Variants in ZNF804A observed in about 807,000 individuals in gnomAD.
The protein encoded by ZNF804A is zinc finger protein 804A.
Under a neutral mutation model 16.5 loss-of-function variants are expected in ZNF804A, and 2 were observed. The observed-to-expected ratio is 0.12, with a 90% CI of 0.05 to 0.38. The LOEUF (loss-of-function observed/expected upper bound fraction) is 0.38, where lower values mean the gene tolerates loss of function less well. ZNF804A is among the 10% of genes least tolerant of loss of function. The probability of loss-of-function intolerance (pLI) is 0.99; values close to 1 mark genes in which losing one functional copy is unlikely to be tolerated. For synonymous variants in ZNF804A, 534 were observed against 489.6 expected (o/e 1.09, Z -1.20); for missense variants, 1,473 against 1,390.7 (o/e 1.06, Z -0.94).
intron 2 of ZNF804A, among the ~76,000 whole-genome samples, chr2:184,877,538 G>A (rs1684728393): frequency 6.6e-6 from 1 of 151,504 alleles, no homozygotes; most frequent in African/African-American, 2.4e-5. Flanking sequence ...AATTCTCCTG[G>A]CACCTATAGA....
intron 1 of ZNF804A, among the ~76,000 whole-genome samples, chr2:184,752,482 G>A (rs1693891157): frequency 1.3e-5 from 2 of 151,614 alleles, no homozygotes; most frequent in South Asian, 4.2e-4. Context: ...TCCAAAATGT[G>A]GGGGATAGGA....
At chr2:184,756,734 G>T (rs1302322430) in intron 1 of ZNF804A, among the ~76,000 whole-genome samples, 2 of 151,998 alleles carry the variant, frequency 1.3e-5, no homozygotes, top group African/African-American at 2.4e-5. Context: ...ATACATGTGT[G>T]TATAGGTGTA....
intron 1 of ZNF804A, among the ~76,000 whole-genome samples, chr2:184,841,483 T>G (rs1338102249): frequency 6.6e-6 from 1 of 152,178 alleles, no homozygotes; most frequent in Non-Finnish European, 1.5e-5. Flanking sequence ...ACACATTATA[T>G]TCATGAATGG....
rs536081648 is a variant in ZNF804A at position 184,771,204 on chromosome 2, T to G, written c.112-95165T>G. Among the ~76,000 whole-genome samples the G allele has an allele frequency of 2.0e-5, 3 of 152,178 alleles. No homozygotes were observed. The South Asian group carries it at 6.2e-4, about 32-fold the overall frequency. On this transcript the variant is annotated intron_variant, in intron 1 of 3. Transcript: ENST00000302277. ...AACTATGTGCTTTTAAAATAGTCAA[T>G]ACTATTTCAACATTTTTGAAATTAA... is the stretch of plus-strand genomic sequence containing the variant.
chr2:184,770,917 ATG>A lies in ZNF804A; in HGVS notation c.112-95444_112-95443del, dbSNP rs1694202183. ...GTCTATAGGTATATTCAATTGAAAT[ATG>A]TGTGTGTTTGTGTATATTTCACCCA... is the stretch of plus-strand genomic sequence containing the variant. On this transcript the variant is annotated intron_variant, in intron 1 of 3. Coordinates refer to ENST00000302277, the MANE Select transcript of ZNF804A (RefSeq NM_194250.2). Among the ~76,000 whole-genome samples the A allele has an allele frequency of 2.0e-5, 3 of 152,076 alleles. No individual in the cohort carries two copies. The South Asian group carries it at 6.2e-4, about 31-fold the overall frequency.
At chr2:184,772,237 T>G (rs1694226441) in intron 1 of ZNF804A, among the ~76,000 whole-genome samples, 1 of 151,316 alleles carries the variant, frequency 6.6e-6, no homozygotes, top group Admixed American at 6.6e-5. Flanking sequence ...CATTGCAATT[T>G]TAGAATATTT....
intron 2 of ZNF804A, among the ~76,000 whole-genome samples, chr2:184,867,327 C>T (rs768933412): frequency 2.0e-5 from 3 of 151,972 alleles, no homozygotes; most frequent in African/African-American, 4.8e-5. Context: ...AATACCATGC[C>T]GAGTACTCAT....
intron 1 of ZNF804A, among the ~76,000 whole-genome samples, chr2:184,671,931 G>A (rs1692344502): frequency 6.6e-6 from 1 of 152,146 alleles, no homozygotes; most frequent in African/African-American, 2.4e-5. Flanking sequence ...CTTTGAGCAG[G>A]GGTAGAGTAA....
chr2:184,749,553 T>C (rs903597151), intron 1 of ZNF804A, among the ~76,000 whole-genome samples: 2 of 151,352 alleles, frequency 1.3e-5, no homozygotes, highest in East Asian at 1.9e-4. Context: ...CTTTTCCTAT[T>C]TGAATGCCTT....
chr2:184,724,362 T>C (rs193008408), intron 1 of ZNF804A, among the ~76,000 whole-genome samples: 10 of 151,814 alleles, frequency 6.6e-5, no homozygotes, highest in Non-Finnish European at 1.3e-4. Context: ...GCTGCTATAA[T>C]TTAAAAATGT....
intron 2 of ZNF804A, among the ~76,000 whole-genome samples, chr2:184,867,100 GATTA>G (rs1434212778): frequency 2.6e-5 from 4 of 151,648 alleles, no homozygotes; most frequent in East Asian, 1.9e-4. Context: ...ATAAATCCCA[GATTA>G]ATTATTACTA....
chr2:184,819,545 C>T (rs1257347547), intron 1 of ZNF804A, among the ~76,000 whole-genome samples: 1 of 151,726 alleles, frequency 6.6e-6, no homozygotes, highest in South Asian at 2.1e-4. Context: ...CAAAATCTAG[C>T]AGAAGACAAG....
At chr2:184,853,633 C>A (rs1211026594) in intron 1 of ZNF804A, among the ~76,000 whole-genome samples, 1 of 151,316 alleles carries the variant, frequency 6.6e-6, no homozygotes, top group African/African-American at 2.4e-5. Flanking sequence ...AAATTTTTTT[C>A]TGCATCTATT....
At chr2:184,736,399 A>T (rs1444392826) in intron 1 of ZNF804A, among the ~76,000 whole-genome samples, 1 of 152,232 alleles carries the variant, frequency 6.6e-6, no homozygotes, top group Non-Finnish European at 1.5e-5. Flanking sequence ...GTACATATAC[A>T]CTATGGAATA....
At chr2:184,671,556 G>C (rs889938782) in intron 1 of ZNF804A, among the ~76,000 whole-genome samples, 14 of 152,254 alleles carry the variant, frequency 9.2e-5, no homozygotes, top group African/African-American at 2.9e-4. Context: ...CTAGAGTCTG[G>C]AGTGATTAAC....
At chr2:184,781,271 G>GA (rs1324596396) in intron 1 of ZNF804A, among the ~76,000 whole-genome samples, 2 of 151,718 alleles carry the variant, frequency 1.3e-5, no homozygotes, top group Non-Finnish European at 2.9e-5. Context: ...AATGGGCCAA[G>GA]AAAAGCTGCT....
intron 1 of ZNF804A, among the ~76,000 whole-genome samples, chr2:184,688,971 G>A (rs1345401723): frequency 6.6e-6 from 1 of 152,028 alleles, no homozygotes; most frequent in Non-Finnish European, 1.5e-5. Flanking sequence ...CATGTTTGTA[G>A]AAGCAAACAG....
chr2:184,820,079 C>T (rs1160724846), intron 1 of ZNF804A, among the ~76,000 whole-genome samples: 5 of 152,040 alleles, frequency 3.3e-5, no homozygotes, highest in Non-Finnish European at 7.4e-5. Flanking sequence ...AGGCCAGCAT[C>T]CTCCTGATAC....
chr2:184,724,480 A>G (rs1039959028), intron 1 of ZNF804A, among the ~76,000 whole-genome samples: 1 of 142,428 alleles, frequency 7.0e-6, no homozygotes, highest in Non-Finnish European at 1.5e-5. Context: ...GAGAGTTCAG[A>G]GAGTTTCCCA....
Sources: allele counts gnomAD v4.1 joint callset (sites outside exome capture counted in the v4.1 genomes callset), GRCh38; gene constraint gnomAD v4.1.1; transcripts MANE v1.5; gene names NCBI Gene and HGNC (gene_info 2026-07-23, HGNC 2026-07-21).